ROBO2: variants seen among roughly 807,000 people sequenced by gnomAD.
ROBO2 encodes the protein roundabout homolog 2.
Under a neutral mutation model 160.8 loss-of-function variants are expected in ROBO2, and 53 were observed. The observed-to-expected ratio is 0.33, with a 90% CI of 0.26 to 0.41. The LOEUF is 0.41. Among genes scored for constraint, ROBO2 ranks in the 10% least tolerant of loss-of-function variants. The probability of loss-of-function intolerance (pLI) is 1.00; values close to 1 mark genes in which losing one functional copy is unlikely to be tolerated. For synonymous variants in ROBO2, 664 were observed against 611.7 expected (o/e 1.09, Z -1.26); for missense variants, 1,577 against 1,722.4 (o/e 0.92, Z 1.49).
At chr3:77,173,749 G>A (rs2079864732) in intron 2 of ROBO2, among the ~76,000 whole-genome samples, 1 of 151,976 alleles carries the variant, frequency 6.6e-6, no homozygotes, top group African/African-American at 2.4e-5. Context: ...TAATCAGTTA[G>A]TGCATATCTT....
chr3:76,836,436 G>GT (rs11321260), intron 2 of ROBO2, among the ~76,000 whole-genome samples: 1,967 of 136,786 alleles, frequency 0.014, 39 homozygotes, highest in African/African-American at 0.046. Flanking sequence ...TAATTTTTTT[G>GT]TTTTTTTTTT....
intron 2 of ROBO2, among the ~76,000 whole-genome samples, chr3:77,230,465 T>G (rs762414023): frequency 4.6e-5 from 7 of 152,214 alleles, no homozygotes; most frequent in Admixed American, 6.5e-5. Flanking sequence ...AACCTAGATT[T>G]ATTTGAAGCT....
chr3:77,181,374 A>G (rs1216331198), intron 2 of ROBO2, among the ~76,000 whole-genome samples: 3 of 152,092 alleles, frequency 2.0e-5, no homozygotes, highest in Non-Finnish European at 2.9e-5. Flanking sequence ...CCCTATTTCC[A>G]TATATATTCC....
At chr3:77,471,022 G>T (rs932296153) in intron 2 of ROBO2, among the ~76,000 whole-genome samples, 1 of 152,156 alleles carries the variant, frequency 6.6e-6, no homozygotes, top group African/African-American at 2.4e-5. Context: ...GTTGGTTGTG[G>T]ATGGTATTCT....
chr3:76,947,504 G>A (rs186749201), intron 2 of ROBO2, among the ~76,000 whole-genome samples: 54 of 152,108 alleles, frequency 3.6e-4, no homozygotes, highest in African/African-American at 1.3e-3. Context: ...CCTCCAACAC[G>A]TTTTTTCTTA....
intron 2 of ROBO2, among the ~76,000 whole-genome samples, chr3:76,674,598 T>A (rs1042425534): frequency 5.4e-5 from 8 of 148,170 alleles, no homozygotes; most frequent in East Asian, 2.0e-4. Context: ...ACCTCCTAGT[T>A]CACACACACA....
At chr3:76,960,678 A>G (rs934515195) in intron 2 of ROBO2, among the ~76,000 whole-genome samples, 1 of 152,144 alleles carries the variant, frequency 6.6e-6, no homozygotes, top group South Asian at 2.1e-4. Flanking sequence ...GAATGTGTGA[A>G]TAGCTCTCTA....
chr3:76,052,052 C>T (rs1027287165), intron 2 of ROBO2, among the ~76,000 whole-genome samples: 4 of 151,984 alleles, frequency 2.6e-5, no homozygotes, highest in African/African-American at 7.2e-5. Context: ...TATGAATAAT[C>T]AGACATTCTT....
At chr3:77,366,058 G>T (rs2153472899) in intron 2 of ROBO2, among the ~76,000 whole-genome samples, 1 of 152,158 alleles carries the variant, frequency 6.6e-6, no homozygotes, top group South Asian at 2.1e-4. Context: ...TTCTCCTATT[G>T]TTATAACAAC....
intron 2 of ROBO2, among the ~76,000 whole-genome samples, chr3:77,422,148 T>A (rs563719066): frequency 2.3e-4 from 35 of 152,306 alleles, no homozygotes; most frequent in African/African-American, 7.9e-4. Context: ...TTTACCTAAT[T>A]GCTGTGTCAG....
intron 2 of ROBO2, among the ~76,000 whole-genome samples, chr3:77,131,757 C>T (rs554624548): frequency 2.0e-4 from 31 of 152,138 alleles, no homozygotes; most frequent in African/African-American, 7.5e-4. Context: ...TGAATGAGTA[C>T]AGCATAGTCT....
chr3:77,037,100 C>T (rs1242621759), upstream of ROBO2, among the ~76,000 whole-genome samples: 4 of 152,002 alleles, frequency 2.6e-5, no homozygotes, highest in African/African-American at 9.7e-5. Context: ...TTAATGTTGT[C>T]CATAACAAAT....
At chr3:76,528,697 A>G (rs796182065) in intron 2 of ROBO2, among the ~76,000 whole-genome samples, 57 of 152,194 alleles carry the variant, frequency 3.7e-4, no homozygotes, top group African/African-American at 1.3e-3. Context: ...TAGGTTTCTC[A>G]TTAGCATATA....
chr3:76,767,317 T>A (rs1201645037), intron 2 of ROBO2, among the ~76,000 whole-genome samples: 1 of 151,658 alleles, frequency 6.6e-6, no homozygotes, highest in Non-Finnish European at 1.5e-5. Context: ...CACTTTTAGA[T>A]AAATACTTAT....
intron 2 of ROBO2, among the ~76,000 whole-genome samples, chr3:76,937,853 C>T (rs1232236085): frequency 6.6e-6 from 1 of 152,164 alleles, no homozygotes; most frequent in Non-Finnish European, 1.5e-5. Context: ...CATCATTGTA[C>T]ACACAGTGTT....
intron 2 of ROBO2, among the ~76,000 whole-genome samples, chr3:77,014,267 T>C (rs2062096281): frequency 1.3e-5 from 2 of 152,308 alleles, no homozygotes; most frequent in South Asian, 4.1e-4. Flanking sequence ...ATTCCCACAC[T>C]ACGACCTAAT....
Position 76,386,529 on chromosome 3 carries a change from GT to G in ROBO2, c.109+448932del, listed in dbSNP as rs1435401673. Reference sequence around the variant, plus strand: ...ACACTTTTTTAAGGGTTTTTTAGGGGTTTTTAAAAGCCCTTAAAGGTTGCAA... The same window carrying G: ...ACACTTTTTTAAGGGTTTTTTAGGGGTTTTAAAAGCCCTTAAAGGTTGCAA... On this transcript the variant is annotated intron_variant, in intron 2 of 26. Coordinates refer to the ROBO2 transcript ENST00000487694. Among the ~76,000 whole-genome samples the G allele has an allele frequency of 2.0e-5, 3 of 152,006 alleles. No homozygotes were observed. In the East Asian group the frequency reaches 5.8e-4, roughly 29 times the overall value.
intron 2 of ROBO2, among the ~76,000 whole-genome samples, chr3:76,656,542 G>C (rs1327927300): frequency 6.6e-6 from 1 of 152,056 alleles, no homozygotes; most frequent in Non-Finnish European, 1.5e-5. Flanking sequence ...TTGACAAGTA[G>C]AAGCATGGAT....
chr3:76,167,739 G>T (rs773280202), intron 2 of ROBO2, among the ~76,000 whole-genome samples: 4 of 151,924 alleles, frequency 2.6e-5, no homozygotes, highest in Non-Finnish European at 5.9e-5. Context: ...TGAACAAGTT[G>T]ACTTTCTTTA....
Sources: allele counts gnomAD v4.1 joint callset (sites outside exome capture counted in the v4.1 genomes callset), GRCh38; gene constraint gnomAD v4.1.1; transcripts MANE v1.5; gene names NCBI Gene and HGNC (gene_info 2026-07-23, HGNC 2026-07-21).